The following ZNF605 variants were observed in gnomAD, a reference collection of about 807,000 sequenced individuals.
ZNF605 encodes zinc finger protein 605.
In ZNF605, 9 loss-of-function variants were observed where a neutral mutation model predicts 7.9. The ratio of observed to expected loss-of-function variants is 1.14; its 90% CI spans 0.68 to 1.98. The LOEUF (loss-of-function observed/expected upper bound fraction) is 1.98, where lower values mean the gene tolerates loss of function less well. Among genes scored for constraint, ZNF605 ranks in the 30% most tolerant of loss-of-function variants. ZNF605 has a pLI of 0.00. For synonymous variants in ZNF605, 255 were observed against 260.1 expected, an observed-to-expected ratio of 0.98 and a Z score of 0.19; for missense variants, 673 against 762.4, an observed-to-expected ratio of 0.88 and a Z score of 1.38.
Position 132,945,744 on chromosome 12 carries a change from G to A in ZNF605, c.-109C>T. ...AAACTGAGAATACATCCTTGGTCTT[G>A]TGGGCTCTTCTTTCTTATCTCACAT... On this transcript the variant is annotated 5_prime_UTR_variant, in exon 3 of 5. Transcript: ENST00000360187. 2 of 1,500,146 alleles carry A rather than the reference G, an allele frequency of 1.3e-6. No individual in the cohort carries two copies. The highest frequency in any genetic ancestry group is 2.3e-5 in the South Asian group (2 of 88,740). The allele number at this position is 1,500,146 out of a possible 1,614,324, so 92.9% of individuals were successfully genotyped here.
At chr12:132,931,934 G>C (rs1952312253) in intron 4 of ZNF605, among the ~76,000 whole-genome samples, 1 of 152,090 alleles carries the variant, frequency 6.6e-6, no homozygotes, top group Admixed American at 6.6e-5. Flanking sequence ...TTAGGGTTTT[G>C]TGTGTGTGTG....
At chr12:132,946,861 C>A (rs753960100) in intron 2 of ZNF605, among the ~76,000 whole-genome samples, 1 of 152,186 alleles carries the variant, frequency 6.6e-6, no homozygotes, top group East Asian at 1.9e-4. Flanking sequence ...CCTTCCCTCA[C>A]GCGCATCTCC....
rs1952253732 is a variant in ZNF605, at chr12:132,926,943, T to C, written c.356A>G (p.Lys119Arg). 1 of 1,610,864 alleles carries C rather than the reference T, an allele frequency of 6.2e-7. No individual in the cohort carries two copies. The highest frequency in any genetic ancestry group is 1.1e-5 in the South Asian group (1 of 90,170). The change falls in exon 5 of 5, where the codon AAA becomes AGA. Residue 119 changes from lysine (K) to arginine (R), a missense_variant. Physicochemically the swap from Lys to Arg is conservative, Grantham distance 26. Coordinates refer to ENST00000360187, the MANE Select transcript of ZNF605 (RefSeq NM_183238.4). ...TAATTTCTTATTGAGTTCATCAATT[T>C]TCTTTCTTTCACAATTATTTTTTGG... ...LIPKNNCERK[K>R]IDELNKKLLF...
At chr12:132,934,703 TAA>T (rs1287567047) in intron 3 of ZNF605, among the ~76,000 whole-genome samples, 10 of 25,506 alleles carry the variant, frequency 3.9e-4, no homozygotes, top group Non-Finnish European at 6.0e-4. Context: ...AGATTCCGTC[TAA>T]AAAAAAAAAA....
At chr12:132,951,268 TCA>T (rs1329850708) in intron 1 of ZNF605, among the ~76,000 whole-genome samples, 1 of 147,512 alleles carries the variant, frequency 6.8e-6, no homozygotes, top group Non-Finnish European at 1.5e-5. Flanking sequence ...CACATGTACA[TCA>T]CACACAGATA....
intron 3 of ZNF605, among the ~76,000 whole-genome samples, chr12:132,940,324 G>A (rs1180070223): frequency 6.6e-6 from 1 of 152,198 alleles, no homozygotes; most frequent in Non-Finnish European, 1.5e-5. Flanking sequence ...ACTTGGACGT[G>A]TTTTAAAACT....
rs1183608228 is a variant in ZNF605 at position 132,939,030 on chromosome 12, C to CT, written c.16-5876dup. Among the ~76,000 whole-genome samples the CT allele has an allele frequency of 2.3e-4, 35 of 151,526 alleles. 2 individuals carry two copies. Among genetic ancestry groups the CT allele is most frequent in the Non-Finnish European group, 4.9e-4 (33 of 67,664 alleles). On this transcript the variant is annotated intron_variant, in intron 3 of 4. Transcript: ENST00000360187. ...CACCTGCAGCCCACCATGCCTGAGCCTCCCACCCACTCCATGGGCTCCCAT... is the reference window on the plus strand; with the variant it reads ...CACCTGCAGCCCACCATGCCTGAGCCTTCCCACCCACTCCATGGGCTCCCAT...
At chr12:132,938,584 C>T (rs1319706337) in intron 3 of ZNF605, among the ~76,000 whole-genome samples, 1 of 152,182 alleles carries the variant, frequency 6.6e-6, no homozygotes. Flanking sequence ...GAGGTGACAG[C>T]GTGCTGGCAG....
rs577291166 is a variant in ZNF605 at position 132,918,551 on chromosome 12, G to A, written c.*6822C>T. 6.6e-6 allele frequency: 1 copy of A among 152,354 alleles called. No homozygotes were observed. The highest frequency in any genetic ancestry group is 1.9e-4 in the East Asian group (1 of 5,174). 9.4% of individuals were successfully genotyped at this position (152,354 alleles called of 1,614,324 possible). A position where few individuals can be genotyped will look rare whatever the true frequency, so the allele number is the denominator to read the frequency against. ...AATGAAAAACAGCTGCTCATTTTCA[G>A]TTAGCTATTAGCCTTTTAGCCCCAC... On this transcript the variant is annotated 3_prime_UTR_variant, in exon 5 of 5. Coordinates refer to ENST00000360187, the MANE Select transcript of ZNF605 (RefSeq NM_183238.4).
chr12:132,919,458 C>T lies in ZNF605; in HGVS notation c.*5915G>A, dbSNP rs1328431260. The T allele has an allele frequency of 6.8e-6, 1 of 146,594 alleles. No homozygotes were observed. Among genetic ancestry groups the T allele is most frequent in the Non-Finnish European group, 1.5e-5 (1 of 67,234 alleles). The allele number at this position is 146,594 out of a possible 1,614,324, so 9.1% of individuals were successfully genotyped here. ...CAGAGTGAGTGCAGTGGCGCGATCTCAGCTCACTGCAAGCTCCGCCTCCCG... is the reference window on the plus strand; with the variant it reads ...CAGAGTGAGTGCAGTGGCGCGATCTTAGCTCACTGCAAGCTCCGCCTCCCG... On this transcript the variant is annotated 3_prime_UTR_variant, in exon 5 of 5. Coordinates refer to ENST00000360187, the MANE Select transcript of ZNF605 (RefSeq NM_183238.4).
intron 1 of ZNF605, among the ~76,000 whole-genome samples, chr12:132,954,366 G>A (rs1418959203): frequency 3.4e-4 from 29 of 85,410 alleles, no homozygotes; most frequent in South Asian, 4.6e-4. Flanking sequence ...GGTGGGGAGC[G>A]GGGGAGAAGG....
intron 3 of ZNF605, among the ~76,000 whole-genome samples, chr12:132,935,954 G>A (rs1230171154): frequency 1.5e-3 from 229 of 150,458 alleles, no homozygotes; most frequent in African/African-American, 4.6e-3. Flanking sequence ...CCAGCTACTC[G>A]GGAGGCTGAG....
intron 1 of ZNF605, among the ~76,000 whole-genome samples, chr12:132,952,182 C>T (rs947806658): frequency 2.6e-5 from 4 of 151,912 alleles, no homozygotes; most frequent in African/African-American, 7.3e-5. Context: ...GTGGGCCAGG[C>T]GCGGTGGCTC....
rs1243280388 is a variant in ZNF605, at chr12:132,919,979, C to T, written c.*5394G>A. The T allele has an allele frequency of 2.0e-5, 3 of 151,718 alleles. No individual in the cohort carries two copies. Among genetic ancestry groups the T allele is most frequent in the Non-Finnish European group, 2.9e-5 (2 of 68,188 alleles). The allele number at this position is 151,718 out of a possible 1,614,324, so 9.4% of individuals were successfully genotyped here. The stretch of plus-strand genomic sequence containing the variant: ...GCCTCAGCCTCCGGAGTAGCTGGGA[C>T]TACACACGTGCCACCAAGCCCGGCT... On this transcript the variant is annotated 3_prime_UTR_variant, in exon 5 of 5. Coordinates refer to ENST00000360187, the MANE Select transcript of ZNF605 (RefSeq NM_183238.4).
intron 3 of ZNF605, among the ~76,000 whole-genome samples, chr12:132,938,015 C>T (rs1241601454): frequency 6.6e-6 from 1 of 150,976 alleles, no homozygotes; most frequent in South Asian, 2.1e-4. Context: ...GAGTCTCGCT[C>T]TGTCGCCCAG....
chr12:132,954,051 C>T (rs1161802232), intron 1 of ZNF605, among the ~76,000 whole-genome samples: 1 of 151,902 alleles, frequency 6.6e-6, no homozygotes, highest in Non-Finnish European at 1.5e-5. Context: ...AAACTGTCCC[C>T]CATTCAACGA....
At chr12:132,947,317 A>T (rs1952504764) in intron 2 of ZNF605, among the ~76,000 whole-genome samples, 1 of 147,902 alleles carries the variant, frequency 6.8e-6, no homozygotes, top group African/African-American at 2.5e-5. Flanking sequence ...GCCCGGCCAC[A>T]TTTTTTTCTT....
intron 3 of ZNF605, among the ~76,000 whole-genome samples, chr12:132,938,871 C>T (rs1178946687): frequency 6.4e-4 from 97 of 152,148 alleles, no homozygotes; most frequent in African/African-American, 2.1e-3. Context: ...CTGCTGGCCC[C>T]GGGCAATGGG....
At chr12:132,948,910 T>C (rs1228610296) in intron 1 of ZNF605, among the ~76,000 whole-genome samples, 1 of 152,178 alleles carries the variant, frequency 6.6e-6, no homozygotes, top group African/African-American at 2.4e-5. Context: ...GGGACCAGTG[T>C]AGCTCACGCC....
Sources: gnomAD v4.1 joint callset for allele counts (sites outside exome capture counted in the v4.1 genomes callset) on GRCh38, gnomAD v4.1.1 for gene constraint, MANE v1.5 for transcripts, NCBI Gene and HGNC (gene_info 2026-07-23, HGNC 2026-07-21) for gene names.